Variants in AP1AR observed in about 807,000 individuals in gnomAD.
AP1AR encodes the protein adaptor related protein complex 1 associated regulatory protein.
A neutral mutation model predicts 46.3 loss-of-function variants in AP1AR; 29 were observed. That is an observed-to-expected ratio of 0.63 (90% CI 0.47 to 0.85). AP1AR has a LOEUF of 0.85. Ranked by LOEUF, AP1AR falls within the 40% of genes least tolerant of loss-of-function variation. The pLI, the probability that AP1AR is intolerant of heterozygous loss-of-function variation, is 0.00. For missense variants in AP1AR, 357 were observed against 356.3 expected, an observed-to-expected ratio of 1.00 and a Z score of -0.02; for synonymous variants, 122 against 122.9, an observed-to-expected ratio of 0.99 and a Z score of 0.05.
Position 112,272,657 on chromosome 4 carries a change from TTCCA to T in AP1AR, c.*4253_*4256del, listed in dbSNP as rs1221934401. 3.9e-5 allele frequency among the ~76,000 whole-genome samples: 6 copies of T among 152,208 alleles called. No individual in the cohort carries two copies. Among genetic ancestry groups the T allele is most frequent in the Non-Finnish European group, 8.8e-5 (6 of 68,028 alleles). ...CTCAATCTTTTGACGTCCCCCTTCGTTCCATCCAAGTGTACTTTTTTTTGCTTCA... is the reference window on the plus strand; with the variant it reads ...CTCAATCTTTTGACGTCCCCCTTCGTTCCAAGTGTACTTTTTTTTGCTTCA... On this transcript the variant is annotated 3_prime_UTR_variant, in exon 10 of 10. Transcript: ENST00000274000.
intron 1 of AP1AR, among the ~76,000 whole-genome samples, chr4:112,239,416 C>T (rs1256355982): frequency 1.3e-5 from 2 of 152,178 alleles, no homozygotes; most frequent in African/African-American, 4.8e-5. Context: ...CTGCTCTCCT[C>T]TGCATATTCA....
Position 112,265,800 on chromosome 4 carries a change from AAGT to A in AP1AR, c.514+1_514+3del. 13 of 1,602,024 alleles carry A rather than the reference AAGT, an allele frequency of 8.1e-6. No individual in the cohort carries two copies. The East Asian group carries it at 2.9e-4, about 36-fold the overall frequency. On this transcript the variant is annotated inframe_deletion, in exon 8 of 10. Coordinates refer to ENST00000274000, the MANE Select transcript of AP1AR (RefSeq NM_018569.6). The stretch of plus-strand genomic sequence containing the variant: ...TGAAGTCACAGTATGAAGTTTTTCG[AAGT>A]AGTAGTAAGTTTTTTAAAGTATTTT...
chr4:112,260,792 A>C lies in AP1AR; in HGVS notation c.212A>C (p.Asp71Ala). Reference sequence around the variant, plus strand: ...CCTCTTACTGAGGAAGAAATTGTTGACCTAAGAGAAAGGCATTATGATTCC... The same window carrying C: ...CCTCTTACTGAGGAAGAAATTGTTGCCCTAAGAGAAAGGCATTATGATTCC... ...HRPLTEEEIV[D>A]LRERHYDSIA... is the part of the protein sequence containing the mutation. The change falls in exon 5 of 10, where the codon GAC becomes GCC. Residue 71 changes from aspartate (D) to alanine (A), a missense_variant. Around this residue, in one of 2 missense-constraint regions of AP1AR, gnomAD observed 269 missense variants for 223.6 expected, o/e 1.20. Transcript: ENST00000274000. The C allele has an allele frequency of 6.2e-7, 1 of 1,600,938 alleles. No individual in the cohort carries two copies. Among genetic ancestry groups the C allele is most frequent in the South Asian group, 1.1e-5 (1 of 87,594 alleles).
At chr4:112,232,693 C>T (rs1362092072) in intron 1 of AP1AR, among the ~76,000 whole-genome samples, 1 of 151,926 alleles carries the variant, frequency 6.6e-6, no homozygotes, top group African/African-American at 2.4e-5. Flanking sequence ...ACTCTGGTAG[C>T]TACAAAGACT....
intron 7 of AP1AR, chr4:112,265,406 AT>A: frequency 5.7e-6 from 2 of 353,566 alleles, no homozygotes; most frequent in Non-Finnish European, 1.0e-5. Context: ...ATGTGTGGTC[AT>A]TTTTTGGAAG....
chr4:112,249,328 C>T (rs950638357), intron 1 of AP1AR, among the ~76,000 whole-genome samples: 5 of 146,718 alleles, frequency 3.4e-5, no homozygotes, highest in East Asian at 2.0e-4. Flanking sequence ...CCTCCAATCA[C>T]GATCCTCACT....
intron 1 of AP1AR, among the ~76,000 whole-genome samples, chr4:112,234,383 G>A (rs1001897962): frequency 5.3e-5 from 8 of 152,140 alleles, no homozygotes. Flanking sequence ...ACTTGTGGTT[G>A]GATTTTTACT....
chr4:112,254,507 TCTC>T (rs1726096723), intron 2 of AP1AR, among the ~76,000 whole-genome samples: 1 of 152,176 alleles, frequency 6.6e-6, no homozygotes, highest in Non-Finnish European at 1.5e-5. Flanking sequence ...TTGCTATAAT[TCTC>T]CTGTTTGATT....
chr4:112,261,729 G>A (rs778355760), intron 5 of AP1AR, among the ~76,000 whole-genome samples: 9 of 151,836 alleles, frequency 5.9e-5, no homozygotes, highest in Non-Finnish European at 1.3e-4. Flanking sequence ...AGCACTTTGG[G>A]AGACTGAGGT....
In AP1AR at chr4:112,272,091, A is replaced by G. The variant is rs547201155; in HGVS notation, c.*3682A>G. ...ACAGTTACACAAATGAAGGGATGGA[A>G]ACTGGGGAGTTGGGGATGAAGAATA... On this transcript the variant is annotated 3_prime_UTR_variant, in exon 10 of 10. Transcript: ENST00000274000. Among the ~76,000 whole-genome samples, 2 of 152,312 alleles carry G rather than the reference A, an allele frequency of 1.3e-5. No homozygotes were observed. Among genetic ancestry groups the G allele is most frequent in the South Asian group, 4.1e-4 (2 of 4,832 alleles).
chr4:112,237,130 C>T (rs779464150), intron 1 of AP1AR, among the ~76,000 whole-genome samples: 8 of 152,146 alleles, frequency 5.3e-5, no homozygotes, highest in African/African-American at 9.7e-5. Context: ...TTCCCCAAGA[C>T]GGAATCTTGC....
At chr4:112,266,530 G>C in intron 8 of AP1AR, 58 bp from the exon 9 acceptor site, 2 of 1,510,692 alleles carry the variant, frequency 1.3e-6, no homozygotes. Flanking sequence ...AAAATAAAAC[G>C]GCTGTTGCGG....
rs981680691 is a variant in AP1AR at position 112,270,052 on chromosome 4, G to A, written c.*1643G>A. ...AATAAACACATTTTTACACTTAAAGGTAATAAGTTATTTGACTATTATTGG... is the reference window on the plus strand; with the variant it reads ...AATAAACACATTTTTACACTTAAAGATAATAAGTTATTTGACTATTATTGG... On this transcript the variant is annotated 3_prime_UTR_variant, in exon 10 of 10. Transcript: ENST00000274000. 2 of 152,458 alleles carry A rather than the reference G, an allele frequency of 1.3e-5. No homozygotes were observed. Among genetic ancestry groups the A allele is most frequent in the African/African-American group, 4.8e-5 (2 of 41,414 alleles). 9.4% of individuals were successfully genotyped at this position (152,458 alleles called of 1,614,324 possible).
intron 6 of AP1AR, among the ~76,000 whole-genome samples, chr4:112,264,222 T>C (rs535921425): frequency 1.3e-5 from 2 of 152,312 alleles, no homozygotes; most frequent in East Asian, 1.9e-4. Context: ...ATAGACACTT[T>C]TTACTGTAAT....
intron 1 of AP1AR, among the ~76,000 whole-genome samples, chr4:112,238,208 C>T (rs1240314777): frequency 6.6e-6 from 1 of 152,234 alleles, no homozygotes; most frequent in Non-Finnish European, 1.5e-5. Context: ...TCACTCTCTC[C>T]ATTCTCAGTA....
chr4:112,235,669 C>A (rs1236046991), intron 1 of AP1AR, among the ~76,000 whole-genome samples: 1 of 152,014 alleles, frequency 6.6e-6, no homozygotes. Flanking sequence ...TTGAACTTTC[C>A]CAAGATAGCA....
rs189522731 is a variant in AP1AR at position 112,233,431 on chromosome 4, C to T, written c.83+1257C>T. Among the ~76,000 whole-genome samples the T allele has an allele frequency of 4.0e-4, 61 of 152,272 alleles. No homozygotes were observed. The East Asian group carries it at 0.01, about 25-fold the overall frequency. On this transcript the variant is annotated intron_variant, in intron 1 of 9. Transcript: ENST00000274000. ...CATGACAGTTGTTTTATCTTGTCAT[C>T]CAGGATCATCTGGTTTAAGTATTTA...
rs76423138 is a variant in AP1AR, at chr4:112,251,360, T to C, written c.84-1848T>C. Among the ~76,000 whole-genome samples, 896 of 152,304 alleles carry C rather than the reference T, an allele frequency of 5.9e-3. 57 individuals are homozygous for C. In the East Asian group the frequency reaches 0.15, roughly 25 times the overall value. ...CACTTTTGCCTACTACTAAAGTTAG[T>C]TTGTATTATCTATGTATAATTAGAC... On this transcript the variant is annotated intron_variant, in intron 1 of 9. Transcript: ENST00000274000.
At position 112,254,751 on chromosome 4, in the gene AP1AR, A is replaced by C. The variant is rs1726108179; in HGVS notation, c.137A>C (p.Glu46Ala). The C allele has an allele frequency of 2.7e-6, 4 of 1,505,274 alleles. No homozygotes were observed. The highest frequency in any genetic ancestry group is 1.4e-5 in the African/African-American group (1 of 70,314). The allele number at this position is 1,505,274 out of a possible 1,614,324, so 93.2% of individuals were successfully genotyped here. A position where few individuals can be genotyped will look rare whatever the true frequency, so the allele number is the denominator to read the frequency against. Residue 46 changes from glutamate to alanine, a missense_variant, in exon 3 of 10, where the codon GAG becomes GCG. Transcript: ENST00000274000. ...CTTACTTTTTTGTCCTTTCAGTTTG[A>C]GAATCTAGTAGAAAGTGATGAAGTA... ...SRGEHLTIEF[E>A]NLVESDEGES...
Sources: allele counts gnomAD v4.1 joint callset (sites outside exome capture counted in the v4.1 genomes callset), GRCh38; gene constraint gnomAD v4.1.1; regional missense constraint gnomAD v4.1.1; transcripts MANE v1.5; gene names NCBI Gene and HGNC (gene_info 2026-07-23, HGNC 2026-07-21).